Variants in MMP16 observed in about 807,000 individuals in gnomAD.
The protein encoded by MMP16 is matrix metalloproteinase-16.
A neutral mutation model predicts 67.8 loss-of-function variants in MMP16; 12 were observed. That is an observed-to-expected ratio of 0.18 (90% confidence interval 0.11 to 0.29). The LOEUF is 0.29. Among genes scored for constraint, MMP16 ranks in the 10% least tolerant of loss-of-function variants. MMP16 has a pLI of 1.00. For missense variants in MMP16, 475 were observed against 765.7 expected, an observed-to-expected ratio of 0.62 and a Z score of 4.48; for synonymous variants, 249 against 255.9, an observed-to-expected ratio of 0.97 and a Z score of 0.26.
chr8:88,205,536 C>G (rs559152174), intron 1 of MMP16, among the ~76,000 whole-genome samples: 3 of 151,884 alleles, frequency 2.0e-5, no homozygotes, highest in South Asian at 4.1e-4. Context: ...TGCAAAACAG[C>G]CTTGCATGGT....
chr8:88,198,655 T>C (rs1049939331), intron 1 of MMP16, among the ~76,000 whole-genome samples: 1 of 151,960 alleles, frequency 6.6e-6, no homozygotes, highest in Non-Finnish European at 1.5e-5. Context: ...TCATGGTATT[T>C]CCAAAAACTG....
chr8:88,230,234 C>T (rs1186878100), intron 1 of MMP16, among the ~76,000 whole-genome samples: 1 of 152,114 alleles, frequency 6.6e-6, no homozygotes, highest in Non-Finnish European at 1.5e-5. Context: ...GATGCAGATG[C>T]TGCTGGTCTA....
At chr8:88,269,911 A>T (rs1810539070) in intron 1 of MMP16, among the ~76,000 whole-genome samples, 1 of 152,266 alleles carries the variant, frequency 6.6e-6, no homozygotes. Context: ...TGTTTCACAG[A>T]TTCAATAATA....
chr8:88,136,517 C>T (rs1195864103), intron 4 of MMP16, among the ~76,000 whole-genome samples: 4 of 151,784 alleles, frequency 2.6e-5, no homozygotes, highest in East Asian at 1.9e-4. Flanking sequence ...AATCCATCTG[C>T]TTGAGTCTCC....
chr8:88,186,604 A>C lies in MMP16; in HGVS notation c.282-6T>G, dbSNP rs1274516294. On this transcript the variant is annotated splice_region_variant and splice_polypyrimidine_tract_variant and intron_variant, in intron 2 of 9. Transcript: ENST00000286614. ...ATCGGGGCTTCTTCATCCAGCTGCA[A>C]AAAAAAAAAAAAAAAAAAAAAAGCA... 1.4e-5 allele frequency: 2 copies of C among 146,388 alleles called. No individual in the cohort carries two copies. Among genetic ancestry groups the C allele is most frequent in the Non-Finnish European group, 3.0e-5 (2 of 67,554 alleles). 9.1% of individuals were successfully genotyped at this position (146,388 alleles called of 1,614,324 possible). A position where few individuals can be genotyped will look rare whatever the true frequency, so the allele number is the denominator to read the frequency against.
rs541790344 is a variant in MMP16 at position 88,219,605 on chromosome 8, C to G, written c.133-22299G>C. ...TCATTTAAAACAGAGACACCCTCAGCTATGAGACCAACAGCCATTTAAAAG... is the reference window on the plus strand; with the variant it reads ...TCATTTAAAACAGAGACACCCTCAGGTATGAGACCAACAGCCATTTAAAAG... On this transcript the variant is annotated intron_variant, in intron 1 of 9. Coordinates refer to ENST00000286614, the MANE Select transcript of MMP16 (RefSeq NM_005941.5). Among the ~76,000 whole-genome samples the G allele has an allele frequency of 3.0e-3, 456 of 152,202 alleles. 1 individual carries two copies. The highest frequency in any genetic ancestry group is 0.01 in the African/African-American group (435 of 41,546).
chr8:88,289,479 A>G (rs1244343429), intron 1 of MMP16, among the ~76,000 whole-genome samples: 4 of 152,216 alleles, frequency 2.6e-5, no homozygotes, highest in Admixed American at 6.5e-5. Flanking sequence ...GAAAAGAGCA[A>G]TAGATGTCAA....
intron 3 of MMP16, among the ~76,000 whole-genome samples, chr8:88,173,546 A>G (rs746342347): frequency 1.3e-5 from 2 of 152,182 alleles, no homozygotes; most frequent in Admixed American, 6.5e-5. Flanking sequence ...AAGGCATACT[A>G]ATGTTTTATG....
At chr8:88,048,785 T>C (rs565942380) in intron 8 of MMP16, among the ~76,000 whole-genome samples, 2 of 152,314 alleles carry the variant, frequency 1.3e-5, no homozygotes, top group South Asian at 4.1e-4. Context: ...CCAACACATA[T>C]TTGGGAAATG....
rs971598437 is a variant in MMP16, at chr8:88,138,215, T to C, written c.710-19354A>G. Among the ~76,000 whole-genome samples the C allele has an allele frequency of 2.0e-5, 3 of 151,976 alleles. No individual in the cohort carries two copies. The East Asian group carries it at 5.8e-4, about 30-fold the overall frequency. On this transcript the variant is annotated intron_variant, in intron 4 of 9. Coordinates refer to ENST00000286614, the MANE Select transcript of MMP16 (RefSeq NM_005941.5). ...TTTCATCTATATTCATCCTATCCTC[T>C]GAAAAAGACTTAAAATTGGGCAAAT...
chr8:88,047,731 C>T (rs1808216504), intron 8 of MMP16, among the ~76,000 whole-genome samples: 1 of 152,090 alleles, frequency 6.6e-6, no homozygotes, highest in African/African-American at 2.4e-5. Flanking sequence ...CTACAGCGAG[C>T]CTTTGGCTTT....
chr8:88,068,166 A>C (rs535904504), intron 7 of MMP16, among the ~76,000 whole-genome samples: 2 of 152,248 alleles, frequency 1.3e-5, no homozygotes, highest in Admixed American at 1.3e-4. Context: ...ATGACTAATA[A>C]TGTAAAGCAT....
chr8:88,308,598 A>G (rs1291617680), intron 1 of MMP16, among the ~76,000 whole-genome samples: 1 of 152,086 alleles, frequency 6.6e-6, no homozygotes, highest in East Asian at 1.9e-4. Flanking sequence ...GCACCTGTTC[A>G]GTAATTTTAG....
intron 1 of MMP16, among the ~76,000 whole-genome samples, chr8:88,241,527 TTC>T (rs1810034195): frequency 6.6e-6 from 1 of 152,136 alleles, no homozygotes; most frequent in African/African-American, 2.4e-5. Flanking sequence ...AAAGCTGTTT[TTC>T]TCTTTCTTTT....
intron 4 of MMP16, among the ~76,000 whole-genome samples, chr8:88,143,249 A>AT (rs1808240805): frequency 6.6e-6 from 1 of 152,154 alleles, no homozygotes; most frequent in Admixed American, 6.6e-5. Flanking sequence ...AAGTAAATAC[A>AT]TTTTGGTATG....
intron 1 of MMP16, among the ~76,000 whole-genome samples, chr8:88,245,829 G>C (rs1426709354): frequency 1.3e-5 from 2 of 152,126 alleles, no homozygotes; most frequent in Admixed American, 6.5e-5. Flanking sequence ...CCAAGGTGCA[G>C]AGCAATAATA....
chr8:88,230,946 A>G (rs959036781), intron 1 of MMP16, among the ~76,000 whole-genome samples: 4 of 152,148 alleles, frequency 2.6e-5, no homozygotes, highest in African/African-American at 4.8e-5. Flanking sequence ...GACATTTACT[A>G]TCTGTGCAGA....
chr8:88,254,095 T>C (rs1810266852), intron 1 of MMP16, among the ~76,000 whole-genome samples: 1 of 152,068 alleles, frequency 6.6e-6, no homozygotes, highest in Non-Finnish European at 1.5e-5. Context: ...ATAAAGAAAA[T>C]GTGGTACATA....
intron 2 of MMP16, among the ~76,000 whole-genome samples, chr8:88,196,949 G>A (rs1292438420): frequency 6.6e-6 from 1 of 152,090 alleles, no homozygotes; most frequent in Non-Finnish European, 1.5e-5. Flanking sequence ...AAACTATGTT[G>A]CTAAAATCAG....
Sources: gnomAD v4.1 joint callset for allele counts (sites outside exome capture counted in the v4.1 genomes callset) on GRCh38, gnomAD v4.1.1 for gene constraint, MANE v1.5 for transcripts, NCBI Gene and HGNC (gene_info 2026-07-23, HGNC 2026-07-21) for gene names.